SQOR: variants seen among roughly 807,000 people sequenced by gnomAD.
SQOR encodes the protein sulfide quinone oxidoreductase.
Under a neutral mutation model 48.6 loss-of-function variants are expected in SQOR, and 39 were observed. The ratio of observed to expected loss-of-function variants is 0.80; its 90% CI spans 0.62 to 1.05. The LOEUF is 1.05. Among genes scored for constraint, SQOR ranks in the 50% least tolerant of loss-of-function variants. The pLI is 0.00. For synonymous variants in SQOR, 220 were observed against 206.2 expected (o/e 1.07, Z -0.57); for missense variants, 561 against 559.9 (o/e 1.00, Z -0.02).
chr15:45,649,650 T>C (rs1211180278), intron 1 of SQOR, among the ~76,000 whole-genome samples: 1 of 151,980 alleles, frequency 6.6e-6, no homozygotes, highest in Non-Finnish European at 1.5e-5. Flanking sequence ...CAGCTAATTT[T>C]TTTTGTATTT....
chr15:45,666,956 T>C (rs186189071), intron 3 of SQOR, among the ~76,000 whole-genome samples: 1 of 27,092 alleles, frequency 3.7e-5, no homozygotes, highest in Non-Finnish European at 7.1e-5. Context: ...TCCCATCCCC[T>C]CCCCTCTCCT....
At chr15:45,644,938 C>G (rs72713197) in intron 1 of SQOR, among the ~76,000 whole-genome samples, 15,207 of 152,154 alleles carry the variant, frequency 0.1, 829 homozygotes, top group Middle Eastern at 0.25. Context: ...TGGTCATAGG[C>G]AAGCCAGGCA....
chr15:45,688,194 A>G (rs2289579), intron 7 of SQOR, 143 bp from the exon 8 acceptor site: 117,620 of 573,814 alleles, frequency 0.2, 12,776 homozygotes, highest in Middle Eastern at 0.32. Context: ...CAGAATTTCA[A>G]TTAGTAAGAA....
rs377509781 is a variant in SQOR at position 45,673,747 on chromosome 15, G to A, written c.600G>A (p.Lys200=). 3.1e-6 allele frequency: 5 copies of A among 1,614,050 alleles called. No homozygotes were observed. Among genetic ancestry groups the A allele is most frequent in the Admixed American group, 1.7e-5 (1 of 60,010 alleles). ...AIFTFPNTPV[K]CAGAPQKIMY... ...TCACCTTCCCAAATACTCCAGTGAA[G>A]TGTGCTGGAGCCCCTCAGAAGATCA... The change falls in exon 5 of 10, where the codon AAG becomes AAA. Residue 200 remains lysine (K), a synonymous_variant. Transcript: ENST00000260324.
intron 1 of SQOR, among the ~76,000 whole-genome samples, chr15:45,657,255 T>G (rs12898447): frequency 7.7e-6 from 1 of 129,872 alleles, no homozygotes; most frequent in Non-Finnish European, 1.6e-5. Context: ...CTGGCCCGTG[T>G]GGAGCCTGCA....
upstream of SQOR, among the ~76,000 whole-genome samples, chr15:45,634,558 G>C (rs1894961774): frequency 3.3e-5 from 5 of 152,214 alleles, no homozygotes; most frequent in South Asian, 1.0e-3. Flanking sequence ...CTGAACCTCG[G>C]TCACCTTCTC....
intron 1 of SQOR, among the ~76,000 whole-genome samples, chr15:45,643,323 G>A (rs1037323579): frequency 3.3e-5 from 5 of 152,174 alleles, no homozygotes; most frequent in African/African-American, 1.2e-4. Context: ...AGTCTCCCAA[G>A]TAGCTGGGAC....
chr15:45,660,422 T>C (rs767921080), intron 2 of SQOR, among the ~76,000 whole-genome samples: 2 of 152,218 alleles, frequency 1.3e-5, no homozygotes, highest in Non-Finnish European at 2.9e-5. Flanking sequence ...AGGTGGCTAC[T>C]GTTTCTGGTA....
intron 6 of SQOR, among the ~76,000 whole-genome samples, chr15:45,681,749 C>CA (rs996942335): frequency 6.6e-6 from 1 of 151,904 alleles, no homozygotes; most frequent in Admixed American, 6.6e-5. Flanking sequence ...ATTACATAAA[C>CA]AAAAAAATTA....
rs138694885 is a variant in SQOR, at chr15:45,657,646, A to G, written c.-17-1261A>G. Among the ~76,000 whole-genome samples, 439 of 152,016 alleles carry G rather than the reference A, an allele frequency of 2.9e-3. 2 individuals are homozygous for G. The highest frequency in any genetic ancestry group is 0.01 in the African/African-American group (422 of 41,452). On this transcript the variant is annotated intron_variant, in intron 1 of 9. Transcript: ENST00000260324. Reference sequence around the variant, plus strand: ...CCTCAGCTCCTCTTTCCCATTCCCTATTATTTTTCCCCCTCTCCAAGGCCT... The same window carrying G: ...CCTCAGCTCCTCTTTCCCATTCCCTGTTATTTTTCCCCCTCTCCAAGGCCT...
At chr15:45,667,919 T>C (rs540394214) in intron 3 of SQOR, among the ~76,000 whole-genome samples, 1 of 148,646 alleles carries the variant, frequency 6.7e-6, no homozygotes, top group Admixed American at 6.9e-5. Flanking sequence ...TACATCATCT[T>C]TCTTTATTTC....
At chr15:45,664,411 T>C (rs1475941756) in intron 3 of SQOR, among the ~76,000 whole-genome samples, 2 of 152,208 alleles carry the variant, frequency 1.3e-5, no homozygotes, top group Non-Finnish European at 2.9e-5. Context: ...TTATGTTTTA[T>C]GTAAATTTTC....
Position 45,662,006 on chromosome 15 carries a change from T to TGG in SQOR, c.286_287insGG (p.Leu96TrpfsTer12), listed in dbSNP as rs758785676. 1.9e-6 allele frequency: 3 copies of TGG among 1,614,226 alleles called. No individual in the cohort carries two copies. The Admixed American group carries it at 5.0e-5, about 27-fold the overall frequency. On this transcript the variant is annotated frameshift_variant, in exon 3 of 10. Coordinates refer to ENST00000260324, the MANE Select transcript of SQOR (RefSeq NM_021199.4). LOFTEE classifies it high-confidence loss of function. Reference sequence around the variant, plus strand: ...ACTGGTGGGTGCTGGTGCCAAACAATTGTCCTCATCTGGTCGTCCCACGGC... The same window carrying TGG: ...ACTGGTGGGTGCTGGTGCCAAACAATGGTGTCCTCATCTGGTCGTCCCACGGC...
chr15:45,690,487 C>T (rs1452272071), intron 9 of SQOR, among the ~76,000 whole-genome samples: 2 of 152,138 alleles, frequency 1.3e-5, no homozygotes, highest in Non-Finnish European at 2.9e-5. Flanking sequence ...CCCTTGCTGC[C>T]CCAGGGACAT....
chr15:45,676,913 T>C (rs1399729508), intron 6 of SQOR, among the ~76,000 whole-genome samples: 1 of 151,796 alleles, frequency 6.6e-6, no homozygotes, highest in East Asian at 1.9e-4. Context: ...TGGTGGCACA[T>C]CCCTGTAATC....
chr15:45,668,703 C>T lies in SQOR; in HGVS notation c.406-1225C>T, dbSNP rs114080196. ...CCTCTCTCTCCAACTGCGATTCGCT[C>T]GGGTTGCTTGCTCTGCTCTGCCATT... On this transcript the variant is annotated intron_variant, in intron 3 of 9. Transcript: ENST00000260324. 6.6e-3 allele frequency among the ~76,000 whole-genome samples: 1,006 copies of T among 152,274 alleles called. 16 individuals carry two copies. Among genetic ancestry groups the T allele is most frequent in the African/African-American group, 0.022 (933 of 41,560 alleles).
intron 7 of SQOR, among the ~76,000 whole-genome samples, chr15:45,686,195 G>A (rs11634347): frequency 0.18 from 27,437 of 151,554 alleles, 2,694 homozygotes; most frequent in Middle Eastern, 0.35. Flanking sequence ...TCTGTTGCCC[G>A]GGCTGGAGTG....
chr15:45,652,491 C>T (rs1048175170), intron 1 of SQOR, among the ~76,000 whole-genome samples: 16 of 152,042 alleles, frequency 1.1e-4, no homozygotes, highest in African/African-American at 3.6e-4. Context: ...CGGGGTACCA[C>T]GCCGGCAGGT....
chr15:45,667,941 C>CTTTT (rs1204451548), intron 3 of SQOR, among the ~76,000 whole-genome samples: 369 of 103,234 alleles, frequency 3.6e-3, no homozygotes, highest in African/African-American at 5.6e-3. Flanking sequence ...TTCTTTCTTT[C>CTTTT]TTTTTTTTTT....
Sources: gnomAD v4.1 joint callset for allele counts (sites outside exome capture counted in the v4.1 genomes callset) on GRCh38, gnomAD v4.1.1 for gene constraint, MANE v1.5 for transcripts, NCBI Gene and HGNC (gene_info 2026-07-23, HGNC 2026-07-21) for gene names.